Variants in PDE1A observed in about 807,000 individuals in gnomAD.
PDE1A encodes the protein dual specificity calcium/calmodulin-dependent 3',5'-cyclic nucleotide phosphodiesterase 1A.
In PDE1A, 35 loss-of-function variants were observed where a neutral mutation model predicts 61.7. That is an observed-to-expected ratio of 0.57 (90% CI 0.43 to 0.75). The LOEUF (loss-of-function observed/expected upper bound fraction) is 0.75, where lower values mean the gene tolerates loss of function less well. Ranked by LOEUF, PDE1A falls within the 30% of genes least tolerant of loss-of-function variation. The pLI, the probability that PDE1A is intolerant of heterozygous loss-of-function variation, is 0.00. For synonymous variants in PDE1A, 232 were observed against 213.2 expected (o/e 1.09, Z -0.77); for missense variants, 597 against 630.6 (o/e 0.95, Z 0.57).
intron 7 of PDE1A, among the ~76,000 whole-genome samples, chr2:182,223,187 A>G (rs957131857): frequency 3.9e-5 from 6 of 151,956 alleles, no homozygotes; most frequent in African/African-American, 1.4e-4. Context: ...ACACAGCAAA[A>G]AGGGTGTTGT....
chr2:182,694,991 A>C, the PDE1A span, among the ~76,000 whole-genome samples: 2 of 152,144 alleles, frequency 1.3e-5, no homozygotes, highest in Admixed American at 6.5e-5. Context: ...AATCTAAAAA[A>C]TGGTTACCAT....
chr2:182,226,684 T>A (rs1689168501), intron 6 of PDE1A, among the ~76,000 whole-genome samples: 1 of 149,738 alleles, frequency 6.7e-6, no homozygotes, highest in African/African-American at 2.5e-5. Context: ...ACTACAGCAC[T>A]GGTCAATACA....
At chr2:182,142,024 G>C (rs1483328842) in exon 15 of PDE1A, 1 of 152,080 alleles carries the variant, frequency 6.6e-6, no homozygotes, top group Non-Finnish European at 1.5e-5. Context: ...GGGCCTCTGA[G>C]GGCTGCAGTT....
intron 1 of PDE1A, among the ~76,000 whole-genome samples, chr2:182,371,252 A>T (rs1166055787): frequency 6.6e-6 from 1 of 152,212 alleles, no homozygotes; most frequent in South Asian, 2.1e-4. Flanking sequence ...TTATTCTTTT[A>T]ATACCTACAG....
rs545388196 is a variant in PDE1A at position 182,454,385 on chromosome 2, C to T, written c.101+67891G>A. The stretch of plus-strand genomic sequence containing the variant: ...TTCAATGGTATCCCCATCAAGCTAC[C>T]AATGCCTTTCTTCACAGAATTGGAA... On this transcript the variant is annotated intron_variant, in intron 2 of 14. Coordinates refer to the PDE1A transcript ENST00000410103. Among the ~76,000 whole-genome samples the T allele has an allele frequency of 2.0e-5, 3 of 152,232 alleles. No individual in the cohort carries two copies. In the South Asian group the frequency reaches 6.2e-4, roughly 32 times the overall value.
chr2:182,478,254 T>A (rs920884719), intron 2 of PDE1A, among the ~76,000 whole-genome samples: 1 of 151,928 alleles, frequency 6.6e-6, no homozygotes, highest in African/African-American at 2.4e-5. Context: ...TGGAATTTTA[T>A]AAATTTTCAA....
intron 2 of PDE1A, among the ~76,000 whole-genome samples, chr2:182,502,031 G>A (rs554494258): frequency 6.6e-6 from 1 of 152,270 alleles, no homozygotes; most frequent in East Asian, 1.9e-4. Context: ...ACCGCTGGCA[G>A]GCCCTCAGAC....
At chr2:182,273,908 C>G (rs1693218654) in intron 1 of PDE1A, among the ~76,000 whole-genome samples, 2 of 152,044 alleles carry the variant, frequency 1.3e-5, no homozygotes, top group Admixed American at 1.3e-4. Flanking sequence ...TTAGACCAAA[C>G]AAAATACCAT....
the PDE1A span, among the ~76,000 whole-genome samples, chr2:182,581,606 C>G: frequency 3.1e-3 from 471 of 152,266 alleles, 3 homozygotes; most frequent in African/African-American, 0.011. Context: ...TGTCAGTCTT[C>G]CCTGTTACAA....
intron 1 of PDE1A, among the ~76,000 whole-genome samples, chr2:182,289,793 G>A (rs560391801): frequency 4.0e-5 from 6 of 151,882 alleles, no homozygotes; most frequent in South Asian, 2.1e-4. Flanking sequence ...CCTAACCTAC[G>A]AGTTACTTTT....
chr2:182,281,978 C>T (rs753739712), intron 1 of PDE1A, among the ~76,000 whole-genome samples: 11 of 151,210 alleles, frequency 7.3e-5, no homozygotes, highest in Admixed American at 3.3e-4. Context: ...TATTGATCAC[C>T]CAAATCATTC....
chr2:182,503,396 G>A (rs1159158501), intron 2 of PDE1A, among the ~76,000 whole-genome samples: 1 of 152,106 alleles, frequency 6.6e-6, no homozygotes, highest in Non-Finnish European at 1.5e-5. Context: ...AAGGTGAAAG[G>A]GCTTCCCATC....
chr2:182,529,499 G>A, the PDE1A span, among the ~76,000 whole-genome samples: 4 of 152,162 alleles, frequency 2.6e-5, no homozygotes, highest in African/African-American at 4.8e-5. Context: ...ATGAGACTTT[G>A]GACTGTGGAC....
At chr2:182,529,410 C>G in the PDE1A span, among the ~76,000 whole-genome samples, 10,197 of 152,238 alleles carry the variant, frequency 0.067, 370 homozygotes, top group Middle Eastern at 0.1. Flanking sequence ...AATGCCCATA[C>G]CCCCATCATA....
the PDE1A span, among the ~76,000 whole-genome samples, chr2:182,670,025 A>T: frequency 6.6e-6 from 1 of 152,068 alleles, no homozygotes; most frequent in East Asian, 1.9e-4. Context: ...TGCTATATAA[A>T]CCACATGCTG....
chr2:182,484,028 T>C (rs1003348311), intron 2 of PDE1A, among the ~76,000 whole-genome samples: 10 of 151,852 alleles, frequency 6.6e-5, no homozygotes, highest in African/African-American at 2.2e-4. Flanking sequence ...GACAAATTCA[T>C]TAAAAGATCT....
At chr2:182,199,711 A>C (rs568678169) in intron 10 of PDE1A, among the ~76,000 whole-genome samples, 11 of 152,158 alleles carry the variant, frequency 7.2e-5, no homozygotes, top group African/African-American at 2.6e-4. Flanking sequence ...TTTTACATTT[A>C]GTGTATTTTT....
intron 13 of PDE1A, among the ~76,000 whole-genome samples, chr2:182,161,839 C>A (rs1294725522): frequency 6.6e-6 from 1 of 152,144 alleles, no homozygotes; most frequent in Non-Finnish European, 1.5e-5. Context: ...TATGAGCCCA[C>A]TAAGCATATA....
At chr2:182,335,665 C>T (rs549773734) in intron 1 of PDE1A, among the ~76,000 whole-genome samples, 7 of 152,114 alleles carry the variant, frequency 4.6e-5, no homozygotes, top group Non-Finnish European at 7.4e-5. Context: ...CATAAAAACC[C>T]TAGAAGAAAA....
Sources: allele counts gnomAD v4.1 joint callset (sites outside exome capture counted in the v4.1 genomes callset), GRCh38; gene constraint gnomAD v4.1.1; transcripts MANE v1.5; gene names NCBI Gene and HGNC (gene_info 2026-07-23, HGNC 2026-07-21).